The following SMC3 variants were observed in gnomAD, a reference collection of about 807,000 sequenced individuals.
SMC3 encodes the protein structural maintenance of chromosomes protein 3.
SMC3 carries 20 observed loss-of-function variants against 171.8 expected under a neutral mutation model. That is an observed-to-expected ratio of 0.12 (90% confidence interval 0.08 to 0.17). SMC3 has a LOEUF of 0.17. Ranked by LOEUF, SMC3 falls within the 10% of genes least tolerant of loss-of-function variation. The probability of loss-of-function intolerance (pLI) is 1.00; values close to 1 mark genes in which losing one functional copy is unlikely to be tolerated. For missense variants in SMC3, 543 were observed against 1,420.4 expected (o/e 0.38, Z 9.93); for synonymous variants, 464 against 451.1 (o/e 1.03, Z -0.36).
intron 19 of SMC3, 97 bp from the exon 20 acceptor site, chr10:110,598,041 TA>T: frequency 1.8e-6 from 2 of 1,104,328 alleles, no homozygotes; most frequent in Non-Finnish European, 2.7e-6. Context: ...TATTTGGGGG[TA>T]AAGAAAAGGA....
At chr10:110,583,103 G>A (rs1326091476) in intron 10 of SMC3, among the ~76,000 whole-genome samples, 1 of 151,780 alleles carries the variant, frequency 6.6e-6, no homozygotes, top group African/African-American at 2.4e-5. Flanking sequence ...TGTTGCCCAG[G>A]CTGGTTTTGA....
Position 110,582,035 on chromosome 10 carries a change from A to G in SMC3, c.660A>G (p.Arg220=). 1 of 1,613,820 alleles carries G rather than the reference A, an allele frequency of 6.2e-7. No homozygotes were observed. The highest frequency in any genetic ancestry group is 8.5e-7 in the Non-Finnish European group (1 of 1,179,800). The change falls in exon 9 of 29, where the codon AGA becomes AGG. Residue 220 remains arginine, a synonymous_variant. Coordinates refer to ENST00000361804, the MANE Select transcript of SMC3 (RefSeq NM_005445.4). ...AGTATCAGAAGTGGGATAAAATGAG[A>G]CGAGCCCTGGAATATACCATTTACA... ...LAQYQKWDKM[R]RALEYTIYNQ... is the part of the protein sequence containing the mutation.
intron 17 of SMC3, among the ~76,000 whole-genome samples, chr10:110,591,445 C>T (rs1228787571): frequency 6.6e-6 from 1 of 152,066 alleles, no homozygotes; most frequent in Admixed American, 6.6e-5. Context: ...GTGTTAAAAG[C>T]GTAAGTACAG....
At chr10:110,594,201 A>ATTT (rs10690316) in intron 18 of SMC3, among the ~76,000 whole-genome samples, 36,381 of 150,710 alleles carry the variant, frequency 0.24, 5,391 homozygotes, top group African/African-American at 0.41. Context: ...TAATTTTTAA[A>ATTT]TTTATTTTTT....
intron 13 of SMC3, among the ~76,000 whole-genome samples, chr10:110,586,337 G>T (rs905112924): frequency 2.0e-5 from 3 of 152,272 alleles, no homozygotes; most frequent in Admixed American, 6.5e-5. Flanking sequence ...TCGTGCTGTG[G>T]GTTTTAGTTG....
At chr10:110,569,298 T>C (rs932947667) in intron 2 of SMC3, among the ~76,000 whole-genome samples, 1 of 152,230 alleles carries the variant, frequency 6.6e-6, no homozygotes, top group Non-Finnish European at 1.5e-5. Context: ...GTTCTTGTTA[T>C]ATATCCTAGT....
intron 20 of SMC3, among the ~76,000 whole-genome samples, chr10:110,598,799 A>G (rs1302043539): frequency 1.3e-5 from 2 of 152,082 alleles, no homozygotes; most frequent in African/African-American, 4.8e-5. Flanking sequence ...CAAACTTTCC[A>G]CCTTCATTGA....
At chr10:110,575,899 A>G (rs1328711074) in intron 4 of SMC3, among the ~76,000 whole-genome samples, 1 of 152,222 alleles carries the variant, frequency 6.6e-6, no homozygotes, top group African/African-American at 2.4e-5. Context: ...GAACTTTAAG[A>G]TGCAGAACCA....
chr10:110,576,537 T>A (rs1860953454), intron 4 of SMC3, among the ~76,000 whole-genome samples: 1 of 152,190 alleles, frequency 6.6e-6, no homozygotes, highest in African/African-American at 2.4e-5. Flanking sequence ...AAACGATTAA[T>A]CCTTCTGATT....
At chr10:110,568,834 G>T (rs1590546103) in intron 1 of SMC3, 104 bp from the exon 2 acceptor site, 5 of 669,732 alleles carry the variant, frequency 7.5e-6, no homozygotes, top group East Asian at 5.5e-5. Context: ...ATGAAATTTC[G>T]AGTTTTCTAT....
chr10:110,593,287 T>C, intron 18 of SMC3, 64 bp downstream of exon 18: 2 of 1,550,174 alleles, frequency 1.3e-6, no homozygotes, highest in South Asian at 1.1e-5. Flanking sequence ...AAACATATAA[T>C]CTGGCTGGGC....
chr10:110,600,407 T>C (rs1173110185), intron 21 of SMC3, 32 bp from the exon 22 acceptor site: 7 of 1,055,742 alleles, frequency 6.6e-6, no homozygotes, highest in Non-Finnish European at 1.0e-5. Flanking sequence ...GAAATGTACA[T>C]GCTTATATAG....
At position 110,584,211 on chromosome 10, in the gene SMC3, G is replaced by A. The variant is rs1861074473; in HGVS notation, c.1120G>A (p.Asp374Asn). Residue 374 changes from aspartate to asparagine, a missense_variant, in exon 13 of 29, where the codon GAT becomes AAT. Asp to Asn is a conservative substitution (Grantham distance 23). Coordinates refer to ENST00000361804, the MANE Select transcript of SMC3 (RefSeq NM_005445.4). ...GGCTCAAGCTACCCAGGAAAGAACG[G>A]ATCTTTATGCAAAGCAGGGTCGAGG... Reference protein sequence around the residue: ...RLAQATQERTDLYAKQGRGSQ... With the variant: ...RLAQATQERTNLYAKQGRGSQ... 1 of 1,613,114 alleles carries A rather than the reference G, an allele frequency of 6.2e-7. No individual in the cohort carries two copies. The highest frequency in any genetic ancestry group is 1.7e-5 in the Admixed American group (1 of 59,908).
chr10:110,584,008 G>T, intron 12 of SMC3, 46 bp downstream of exon 12: 1 of 1,605,444 alleles, frequency 6.2e-7, no homozygotes. Context: ...ATCATATTAT[G>T]TAAAACTAGG....
rs371662516 is a variant in SMC3, at chr10:110,577,578, A to G, written c.270+86A>G. ...ATACTTTGAAACTTTTTAAGCTTTT[A>G]TAATTTGTTATAATTACAGTTTATA... On this transcript the variant is annotated intron_variant, in intron 5 of 28. Transcript: ENST00000361804. 1.7e-5 allele frequency: 15 copies of G among 896,140 alleles called. No homozygotes were observed. The South Asian group carries it at 2.2e-4, about 13-fold the overall frequency. The allele number at this position is 896,140 out of a possible 1,614,324, so 55.5% of individuals were successfully genotyped here.
In SMC3 at chr10:110,567,956, G is replaced by C. The variant is rs986339433; in HGVS notation, c.15+125G>C. 9 of 1,212,308 alleles carry C rather than the reference G, an allele frequency of 7.4e-6. No individual in the cohort carries two copies. The East Asian group carries it at 2.0e-4, about 27-fold the overall frequency. 75.1% of individuals were successfully genotyped at this position (1,212,308 alleles called of 1,614,324 possible). A position where few individuals can be genotyped will look rare whatever the true frequency, so the allele number is the denominator to read the frequency against. ...ACAGGCTGGACCAGGGCTGGGCGGG[G>C]ACTGTGGGGGAGGAGGGAGACCCGG... On this transcript the variant is annotated intron_variant, in intron 1 of 28. Transcript: ENST00000361804.
intron 2 of SMC3, among the ~76,000 whole-genome samples, chr10:110,573,115 A>G (rs889915444): frequency 6.6e-6 from 1 of 152,196 alleles, no homozygotes; most frequent in Non-Finnish European, 1.5e-5. Flanking sequence ...GAAGACTGAC[A>G]TAGTTATTTA....
intron 23 of SMC3, 36 bp downstream of exon 23, chr10:110,601,166 A>C: frequency 2.8e-6 from 4 of 1,414,972 alleles, no homozygotes; most frequent in Non-Finnish European, 4.0e-6. Context: ...GTTTATATGC[A>C]TGTTTTATAA....
At chr10:110,576,087 A>G (rs1860944226) in intron 4 of SMC3, among the ~76,000 whole-genome samples, 1 of 152,198 alleles carries the variant, frequency 6.6e-6, no homozygotes, top group Non-Finnish European at 1.5e-5. Context: ...CATAAACTGA[A>G]AATACCATAA....
Sources: allele counts gnomAD v4.1 joint callset (sites outside exome capture counted in the v4.1 genomes callset), GRCh38; gene constraint gnomAD v4.1.1; transcripts MANE v1.5; gene names NCBI Gene and HGNC (gene_info 2026-07-23, HGNC 2026-07-21).